The following PATL2 variants were observed in gnomAD, a reference collection of about 807,000 sequenced individuals.
PATL2 encodes the protein protein PAT1 homolog 2.
A neutral mutation model predicts 77.0 loss-of-function variants in PATL2; 73 were observed. That is an observed-to-expected ratio of 0.95 (90% CI 0.78 to 1.15). PATL2 has a LOEUF of 1.15. PATL2 is among the 50% of genes most tolerant of loss of function. PATL2 has a pLI of 0.00. For synonymous variants in PATL2, 265 were observed against 257.1 expected (o/e 1.03, Z -0.29); for missense variants, 618 against 655.4 (o/e 0.94, Z 0.62).
chr15:44,687,537 G>A (rs2086287633), intron 3 of PATL2, among the ~76,000 whole-genome samples: 2 of 152,156 alleles, frequency 1.3e-5, no homozygotes, highest in Non-Finnish European at 2.9e-5. Context: ...ATTCAACATA[G>A]TATTGGAAGT....
chr15:44,669,226 T>C (rs957324746), intron 13 of PATL2, 54 bp downstream of exon 13: 2 of 1,531,894 alleles, frequency 1.3e-6, no homozygotes, highest in Admixed American at 2.0e-5. Context: ...GCAAGACCAG[T>C]GTCTTTGCTG....
intron 3 of PATL2, among the ~76,000 whole-genome samples, chr15:44,686,623 G>T (rs1303027618): frequency 6.6e-6 from 1 of 151,968 alleles, no homozygotes; most frequent in African/African-American, 2.4e-5. Flanking sequence ...TCCAGCAGCT[G>T]TTTTTTTGAA....
intron 3 of PATL2, among the ~76,000 whole-genome samples, chr15:44,699,896 A>G (rs2086592453): frequency 6.6e-6 from 1 of 152,132 alleles, no homozygotes; most frequent in Non-Finnish European, 1.5e-5. Flanking sequence ...TCTTTTGGTT[A>G]CTGCAGCTTT....
chr15:44,668,216 C>T, intron 15 of PATL2, 126 bp downstream of exon 15: 1 of 1,193,924 alleles, frequency 8.4e-7, no homozygotes, highest in Non-Finnish European at 1.1e-6. Flanking sequence ...CATGTGCTTA[C>T]TAGAAATAGA....
chr15:44,692,781 ACTG>A (rs1237513650), intron 3 of PATL2, among the ~76,000 whole-genome samples: 9 of 152,270 alleles, frequency 5.9e-5, no homozygotes, highest in African/African-American at 2.2e-4. Context: ...CCTCTTCAAC[ACTG>A]GCAACAGCAG....
At chr15:44,669,606 C>T (rs962459168) in intron 11 of PATL2, 43 bp from the exon 12 acceptor site, 102 of 1,544,086 alleles carry the variant, frequency 6.6e-5, no homozygotes, top group Non-Finnish European at 8.3e-5. Flanking sequence ...ACTGCCACTG[C>T]CACAGCCCTA....
intron 3 of PATL2, among the ~76,000 whole-genome samples, chr15:44,684,544 A>G (rs534699593): frequency 2.0e-5 from 3 of 149,862 alleles, no homozygotes; most frequent in African/African-American, 4.9e-5. Context: ...ACAAGATTAG[A>G]AAAAAAAAAT....
chr15:44,681,394 T>G (rs1212648185), intron 3 of PATL2, among the ~76,000 whole-genome samples: 1 of 152,216 alleles, frequency 6.6e-6, no homozygotes, highest in African/African-American at 2.4e-5. Flanking sequence ...CATTCAACAC[T>G]GCTGATCACA....
chr15:44,692,317 AAT>A (rs1566865888), intron 3 of PATL2, among the ~76,000 whole-genome samples: 1 of 152,208 alleles, frequency 6.6e-6, no homozygotes, highest in Non-Finnish European at 1.5e-5. Flanking sequence ...AATGGCCATG[AAT>A]TTTATAATTA....
intron 4 of PATL2, 66 bp downstream of exon 4, chr15:44,676,409 G>T: frequency 7.2e-7 from 1 of 1,392,134 alleles, no homozygotes; most frequent in South Asian, 1.2e-5. Flanking sequence ...TCCCATATGT[G>T]AAACAGACCA....
intron 5 of PATL2, chr15:44,674,480 A>G (rs1183828329): frequency 4.6e-6 from 2 of 433,210 alleles, no homozygotes; most frequent in Non-Finnish European, 8.3e-6. Flanking sequence ...GAGACCCCCA[A>G]GGGATGCCTA....
chr15:44,666,666 G>T, intron 16 of PATL2, 125 bp from the exon 17 acceptor site: 1 of 980,838 alleles, frequency 1.0e-6, no homozygotes, highest in Non-Finnish European at 1.5e-6. Context: ...GCAATTCAGA[G>T]GTAACATTTG....
intron 3 of PATL2, among the ~76,000 whole-genome samples, chr15:44,678,097 C>A (rs2086033335): frequency 6.6e-6 from 1 of 152,170 alleles, no homozygotes; most frequent in South Asian, 2.1e-4. Context: ...AGTAATCCAC[C>A]TGCCTTGGCC....
intron 9 of PATL2, among the ~76,000 whole-genome samples, chr15:44,671,317 C>T (rs2085663538): frequency 6.6e-6 from 1 of 152,038 alleles, no homozygotes; most frequent in Admixed American, 6.6e-5. Flanking sequence ...GGTGAAACCC[C>T]ATCTCTACTA....
chr15:44,665,990 T>G lies in PATL2; in HGVS notation c.1614-19A>C, dbSNP rs909241165. 3.9e-6 allele frequency: 6 copies of G among 1,520,982 alleles called. No individual in the cohort carries two copies. Among genetic ancestry groups the G allele is most frequent in the Non-Finnish European group, 4.4e-6 (5 of 1,132,310 alleles). 94.2% of individuals were successfully genotyped at this position (1,520,982 alleles called of 1,614,324 possible). A position where few individuals can be genotyped will look rare whatever the true frequency, so the allele number is the denominator to read the frequency against. ...GGCAAACCTATAAAGAGAACAGATA[T>G]TAACTGCAAGCACAATTCTACTTTG... On this transcript the variant is annotated intron_variant, in intron 17 of 17. Coordinates refer to ENST00000682850, the MANE Select transcript of PATL2 (RefSeq NM_001387263.1).
chr15:44,674,187 A>T lies in PATL2; in HGVS notation c.266T>A (p.Leu89Gln), dbSNP rs904882248. 1.9e-6 allele frequency: 3 copies of T among 1,550,906 alleles called. No individual in the cohort carries two copies. The highest frequency in any genetic ancestry group is 3.9e-5 in the Admixed American group (2 of 50,972). ...ATGCAAGGAGGCAAGTGACATTCCC[A>T]GCATACCAGGGGCCTTGACTCCAGG... Reference protein sequence around the residue: ...SSPGVKAPGMLGMSLASLHFL... With the variant: ...SSPGVKAPGMQGMSLASLHFL... The change falls in exon 6 of 18, where the codon CTG (leucine) becomes CAG (glutamine). Residue 89 changes from leucine to glutamine, a missense_variant. Transcript: ENST00000682850.
At chr15:44,667,866 CCAGGAGG>C (rs894581384) in intron 15 of PATL2, among the ~76,000 whole-genome samples, 15 of 152,086 alleles carry the variant, frequency 9.9e-5, no homozygotes, top group African/African-American at 3.6e-4. Flanking sequence ...TGGCGTGAAC[CCAGGAGG>C]CAGAGCTTGC....
chr15:44,667,599 C>A (rs1307984057), intron 15 of PATL2, among the ~76,000 whole-genome samples: 1 of 152,178 alleles, frequency 6.6e-6, no homozygotes, highest in Non-Finnish European at 1.5e-5. Flanking sequence ...AAGAGAGCAT[C>A]AAAATTTTCA....
At position 44,711,132 on chromosome 15, in the gene PATL2, G is replaced by C. The variant is rs944553684; in HGVS notation, c.-366C>G. 2 of 326,558 alleles carry C rather than the reference G, an allele frequency of 6.1e-6. No individual in the cohort carries two copies. Among genetic ancestry groups the C allele is most frequent in the Admixed American group, 4.3e-5 (1 of 23,158 alleles). The allele number at this position is 326,558 out of a possible 1,614,324, so 20.2% of individuals were successfully genotyped here. A position where few individuals can be genotyped will look rare whatever the true frequency, so the allele number is the denominator to read the frequency against. ...TAATCTTCTGGGTTTCCGTTTTCTC[G>C]AATGAAAAATGCAGGTCCGAGCAGT... On this transcript the variant is annotated 5_prime_UTR_variant, in exon 1 of 18. Transcript: ENST00000682850.
Sources: gnomAD v4.1 joint callset for allele counts (sites outside exome capture counted in the v4.1 genomes callset) on GRCh38, gnomAD v4.1.1 for gene constraint, MANE v1.5 for transcripts, NCBI Gene and HGNC (gene_info 2026-07-23, HGNC 2026-07-21) for gene names.